Variants in COL4A2 observed in about 807,000 individuals in gnomAD.
COL4A2 encodes the protein collagen type IV alpha 2 chain, also known as collagen alpha-2(IV) chain.
In COL4A2, 99 loss-of-function variants were observed where a neutral mutation model predicts 200.2. The ratio of observed to expected loss-of-function variants is 0.49; its 90% CI spans 0.42 to 0.58. The LOEUF is 0.58. Among genes scored for constraint, COL4A2 ranks in the 20% least tolerant of loss-of-function variants. COL4A2 has a pLI of 0.00. For missense variants in COL4A2, 1,950 were observed against 2,314.1 expected, an observed-to-expected ratio of 0.84 and a Z score of 3.23; for synonymous variants, 897 against 900.6, an observed-to-expected ratio of 1.00 and a Z score of 0.07.
At chr13:110,446,322 G>C (rs1473439238) in intron 17 of COL4A2, among the ~76,000 whole-genome samples, 2 of 152,180 alleles carry the variant, frequency 1.3e-5, no homozygotes, top group Non-Finnish European at 2.9e-5. Context: ...CTGGGTGGGG[G>C]CACATCTGGA....
At chr13:110,322,817 G>A (rs1885310680) in intron 3 of COL4A2, among the ~76,000 whole-genome samples, 1 of 152,234 alleles carries the variant, frequency 6.6e-6, no homozygotes, top group Non-Finnish European at 1.5e-5. Flanking sequence ...AGATGCTGGA[G>A]TAATTTTATT....
chr13:110,408,385 T>G (rs2139436763), intron 4 of COL4A2, among the ~76,000 whole-genome samples: 1 of 152,322 alleles, frequency 6.6e-6, no homozygotes, highest in East Asian at 1.9e-4. Flanking sequence ...TCTTTTTGAA[T>G]AGAGAAAAAT....
intron 12 of COL4A2, 46 bp downstream of exon 12, chr13:110,434,488 C>T: frequency 6.3e-7 from 1 of 1,580,346 alleles, no homozygotes; most frequent in Non-Finnish European, 8.7e-7. Flanking sequence ...CAGCATTTCT[C>T]AGCCAGGAAA....
chr13:110,409,513 G>A (rs928873796), intron 4 of COL4A2, among the ~76,000 whole-genome samples: 3 of 152,254 alleles, frequency 2.0e-5, no homozygotes, highest in Admixed American at 6.5e-5. Flanking sequence ...GGAGCAGCAC[G>A]GCTGCACTCA....
At chr13:110,465,104 G>A (rs1338680192) in intron 24 of COL4A2, among the ~76,000 whole-genome samples, 2 of 152,224 alleles carry the variant, frequency 1.3e-5, no homozygotes, top group Non-Finnish European at 2.9e-5. Flanking sequence ...TGCCTTCGCT[G>A]TTCTGGAGAT....
At chr13:110,351,219 T>TTTTG (rs58217892) in intron 3 of COL4A2, among the ~76,000 whole-genome samples, 69,883 of 149,762 alleles carry the variant, frequency 0.47, 18,587 homozygotes, top group Non-Finnish European at 0.59. Context: ...CAGCTATTCT[T>TTTTG]TTTGTTTGTT....
intron 3 of COL4A2, among the ~76,000 whole-genome samples, chr13:110,322,663 G>T (rs1885306454): frequency 6.6e-6 from 1 of 152,174 alleles, no homozygotes; most frequent in African/African-American, 2.4e-5. Flanking sequence ...TGTGGTACTG[G>T]GGTCAGAAGA....
chr13:110,462,432 T>G, intron 24 of COL4A2, 48 bp downstream of exon 24: 7 of 1,593,534 alleles, frequency 4.4e-6, no homozygotes, highest in Non-Finnish European at 6.0e-6. Context: ...TCTTCATCCT[T>G]CAGGTTCTCC....
Position 110,307,647 on chromosome 13 carries a change from G to A in COL4A2, c.-45+119G>A. On this transcript the variant is annotated intron_variant, in intron 1 of 47. Transcript: ENST00000360467. The surrounding 1 kb of genome is among the most constrained non-coding windows in gnomAD (Gnocchi z 5.0). Reference sequence around the variant, plus strand: ...GGGAGTAGAAAGGGGGAGGGTGGGAGAGCGAAGACCGAGCTCCTCGGCCAA... The same window carrying A: ...GGGAGTAGAAAGGGGGAGGGTGGGAAAGCGAAGACCGAGCTCCTCGGCCAA... The A allele has an allele frequency of 1.8e-6, 1 of 564,092 alleles. No individual in the cohort carries two copies. Among genetic ancestry groups the A allele is most frequent in the Middle Eastern group, 4.7e-4 (1 of 2,142 alleles). The allele number at this position is 564,092 out of a possible 1,614,324, so 34.9% of individuals were successfully genotyped here.
Position 110,501,729 on chromosome 13 carries a change from C to T in COL4A2, c.3822C>T (p.Ser1274=). ...GGTTCCCTGGTATCACACCCCCTTC[C>T]AACATCTCTGGGGCACCTGGTGACA... ...LQGFPGITPP[S]NISGAPGDKG... The change falls in exon 41 of 48, where the codon TCC becomes TCT. Residue 1274 remains serine, a synonymous_variant. Coordinates refer to ENST00000360467, the MANE Select transcript of COL4A2 (RefSeq NM_001846.4). 2 of 1,613,810 alleles carry T rather than the reference C, an allele frequency of 1.2e-6. No individual in the cohort carries two copies. The highest frequency in any genetic ancestry group is 1.7e-6 in the Non-Finnish European group (2 of 1,179,790).
At chr13:110,416,177 G>A (rs9588156) in intron 4 of COL4A2, among the ~76,000 whole-genome samples, 4,668 of 152,344 alleles carry the variant, frequency 0.031, 250 homozygotes, top group African/African-American at 0.1. Flanking sequence ...CTGCATGAGG[G>A]TGATGCTCTG....
intron 4 of COL4A2, among the ~76,000 whole-genome samples, chr13:110,372,271 T>G (rs927220093): frequency 3.3e-5 from 5 of 152,274 alleles, no homozygotes; most frequent in South Asian, 2.1e-4. Flanking sequence ...GAGAAAACTT[T>G]CCCAAAACCC....
rs1877213396 is a variant in COL4A2, at chr13:110,355,741, GT to G, written c.100-1730del. ...GAGGGCTGCACTAGCTCACCTGTGT[GT>G]GTGGGGGAGGGCTGCACTAGCTCAC... On this transcript the variant is annotated intron_variant, in intron 3 of 47. Coordinates refer to ENST00000360467, the MANE Select transcript of COL4A2 (RefSeq NM_001846.4). Among the ~76,000 whole-genome samples, 48 of 37,350 alleles carry G rather than the reference GT, an allele frequency of 1.3e-3. 9 individuals are homozygous for G. Among genetic ancestry groups the G allele is most frequent in the Non-Finnish European group, 1.9e-3 (42 of 22,698 alleles). 24.5% of individuals were successfully genotyped at this position (37,350 alleles called of 152,430 possible). A position where few individuals can be genotyped will look rare whatever the true frequency, so the allele number is the denominator to read the frequency against.
chr13:110,318,690 T>TTA (rs1885206558), intron 3 of COL4A2, among the ~76,000 whole-genome samples: 1 of 152,210 alleles, frequency 6.6e-6, no homozygotes, highest in South Asian at 2.1e-4. Context: ...AGTTCTTACC[T>TTA]TATGCACGTG....
intron 16 of COL4A2, among the ~76,000 whole-genome samples, chr13:110,443,106 GGCAGACAT>G (rs974574000): frequency 1.8e-4 from 28 of 152,192 alleles, no homozygotes; most frequent in Admixed American, 9.8e-4. Flanking sequence ...AGCTTGAAGT[GGCAGACAT>G]GACCTCAGAT....
intron 47 of COL4A2, among the ~76,000 whole-genome samples, chr13:110,509,270 T>TATATACACACACACACAC (rs1435137108): frequency 1.6e-4 from 18 of 115,574 alleles, no homozygotes; most frequent in Admixed American, 1.2e-3. Context: ...TATATATATA[T>TATATACACACACACACAC]ACACACACAC....
chr13:110,504,025 C>T (rs772695849), intron 44 of COL4A2, 32 bp downstream of exon 44: 27 of 1,554,228 alleles, frequency 1.7e-5, no homozygotes, highest in Middle Eastern at 3.6e-4. Context: ...TGGAGCCCCT[C>T]GGGGCTGCCC....
intron 20 of COL4A2, 131 bp downstream of exon 20, chr13:110,450,585 C>T (rs1881503417): frequency 1.9e-6 from 2 of 1,064,944 alleles, no homozygotes; most frequent in Non-Finnish European, 2.7e-6. Context: ...GATTAGGGTG[C>T]AGTGGATCCA....
At chr13:110,506,841 T>C (rs1266270804) in intron 46 of COL4A2, among the ~76,000 whole-genome samples, 1 of 152,172 alleles carries the variant, frequency 6.6e-6, no homozygotes, top group Non-Finnish European at 1.5e-5. Context: ...TAACCTGGTA[T>C]TGACTTCCGC....
Sources: allele counts gnomAD v4.1 joint callset (sites outside exome capture counted in the v4.1 genomes callset), GRCh38; gene constraint gnomAD v4.1.1; non-coding constraint Gnocchi (gnomAD v3.1); transcripts MANE v1.5; gene names NCBI Gene and HGNC (gene_info 2026-07-23, HGNC 2026-07-21).